DLG2: variants seen among roughly 807,000 people sequenced by gnomAD.
DLG2 encodes the protein disks large homolog 2.
Under a neutral mutation model 132.5 loss-of-function variants are expected in DLG2, and 45 were observed. That is an observed-to-expected ratio of 0.34 (90% CI 0.27 to 0.44). DLG2 has a LOEUF of 0.44. DLG2 is among the 20% of genes least tolerant of loss of function. The pLI is 1.00. For synonymous variants in DLG2, 424 were observed against 419.6 expected (o/e 1.01, Z -0.13); for missense variants, 1,045 against 1,196.9 (o/e 0.87, Z 1.87).
intron 3 of DLG2, among the ~76,000 whole-genome samples, chr11:85,370,554 G>C (rs866460039): frequency 1.1e-4 from 16 of 152,190 alleles, no homozygotes; most frequent in African/African-American, 3.9e-4. Context: ...GGCAACATTT[G>C]TAAGTGGTTA....
chr11:84,416,411 A>G (rs1436659012), intron 7 of DLG2, among the ~76,000 whole-genome samples: 1 of 152,178 alleles, frequency 6.6e-6, no homozygotes, highest in East Asian at 1.9e-4. Flanking sequence ...CTTAAGCAAA[A>G]TGAAACTGTC....
At chr11:83,653,014 T>C (rs2071089883) in intron 18 of DLG2, among the ~76,000 whole-genome samples, 1 of 152,218 alleles carries the variant, frequency 6.6e-6, no homozygotes, top group African/African-American at 2.4e-5. Context: ...TTGTGAAATA[T>C]GCCCAGTCAC....
intron 20 of DLG2, among the ~76,000 whole-genome samples, chr11:83,538,782 AT>A (rs2095970646): frequency 6.6e-6 from 1 of 152,326 alleles, no homozygotes; most frequent in African/African-American, 2.4e-5. Context: ...CATTGCCCTA[AT>A]CGCAGAGTAG....
intron 6 of DLG2, among the ~76,000 whole-genome samples, chr11:84,902,535 C>G (rs994499249): frequency 5.9e-5 from 9 of 152,142 alleles, no homozygotes; most frequent in African/African-American, 2.2e-4. Flanking sequence ...CATCTCTCCC[C>G]ACAATGGTGG....
chr11:85,419,991 A>T (rs2090162705), intron 3 of DLG2, among the ~76,000 whole-genome samples: 1 of 152,142 alleles, frequency 6.6e-6, no homozygotes, highest in Non-Finnish European at 1.5e-5. Context: ...AGGAGTTGTG[A>T]TCCTTTGGAG....
chr11:85,488,435 C>T (rs888185548), intron 3 of DLG2, among the ~76,000 whole-genome samples: 1 of 151,902 alleles, frequency 6.6e-6, no homozygotes, highest in Non-Finnish European at 1.5e-5. Context: ...GTGTCTTTTA[C>T]CTCCTGCCAT....
chr11:85,193,518 A>C (rs536203284), intron 4 of DLG2, among the ~76,000 whole-genome samples: 2 of 152,322 alleles, frequency 1.3e-5, no homozygotes, highest in South Asian at 2.1e-4. Context: ...GTAAATTTCC[A>C]ATTTCTATAT....
intron 3 of DLG2, among the ~76,000 whole-genome samples, chr11:85,533,280 T>A (rs2075342921): frequency 6.6e-6 from 1 of 152,016 alleles, no homozygotes; most frequent in Admixed American, 6.6e-5. Flanking sequence ...CACCTCAGCC[T>A]CCCAAAGTGC....
At chr11:85,528,322 T>G (rs2074943400) in intron 3 of DLG2, among the ~76,000 whole-genome samples, 1 of 152,192 alleles carries the variant, frequency 6.6e-6, no homozygotes, top group South Asian at 2.1e-4. Context: ...TTTTAGGATT[T>G]TAAATATAAG....
chr11:84,436,828 T>C (rs1406765058), intron 7 of DLG2, among the ~76,000 whole-genome samples: 1 of 152,172 alleles, frequency 6.6e-6, no homozygotes, highest in Non-Finnish European at 1.5e-5. Context: ...TGATTATAAA[T>C]ATAATTCTTG....
intron 11 of DLG2, among the ~76,000 whole-genome samples, chr11:83,994,124 T>C (rs1041269795): frequency 6.6e-6 from 1 of 152,178 alleles, no homozygotes; most frequent in Admixed American, 6.6e-5. Flanking sequence ...TATCTCATTT[T>C]TAGTGATACA....
intron 6 of DLG2, among the ~76,000 whole-genome samples, chr11:85,077,622 ACAT>A (rs201386173): frequency 0.02 from 2,964 of 147,512 alleles, 50 homozygotes; most frequent in Admixed American, 0.043. Flanking sequence ...AATACATTTA[ACAT>A]CATAATTGTC....
intron 6 of DLG2, among the ~76,000 whole-genome samples, chr11:84,920,406 C>T (rs1411937058): frequency 6.6e-6 from 1 of 152,142 alleles, no homozygotes; most frequent in African/African-American, 2.4e-5. Flanking sequence ...CACAGCAAAA[C>T]CTTTCTTGAT....
At chr11:83,926,109 G>GTTTTTTTTTTTTTTTTTTTTT (rs1565666073) in intron 15 of DLG2, among the ~76,000 whole-genome samples, 1 of 152,120 alleles carries the variant, frequency 6.6e-6, no homozygotes, top group African/African-American at 2.4e-5. Context: ...CAACTTCTCT[G>GTTTTTTTTTTTTTTTTTTTTT]TTTTCTTTTA....
intron 3 of DLG2, among the ~76,000 whole-genome samples, chr11:85,420,944 C>G (rs2090252822): frequency 6.6e-6 from 1 of 152,086 alleles, no homozygotes; most frequent in South Asian, 2.1e-4. Flanking sequence ...GAAGAGTGAA[C>G]AGTTGTGTCT....
At chr11:85,056,325 A>G (rs569178382) in intron 6 of DLG2, among the ~76,000 whole-genome samples, 2 of 152,242 alleles carry the variant, frequency 1.3e-5, no homozygotes, top group African/African-American at 4.8e-5. Context: ...ATATCTTTGA[A>G]AAAGAATCAA....
At chr11:84,937,754 T>C (rs979333847) in intron 6 of DLG2, among the ~76,000 whole-genome samples, 6 of 152,176 alleles carry the variant, frequency 3.9e-5, no homozygotes, top group South Asian at 2.1e-4. Flanking sequence ...GTAAAGGGAA[T>C]TGAAATTTGA....
chr11:84,268,207 T>C (rs77030644), intron 7 of DLG2, among the ~76,000 whole-genome samples: 5,652 of 152,300 alleles, frequency 0.037, 124 homozygotes, highest in South Asian at 0.08. Flanking sequence ...CTCCTTTTTC[T>C]AGCCTTCGCT....
chr11:84,662,978 C>T (rs980493656), intron 6 of DLG2, among the ~76,000 whole-genome samples: 6 of 151,842 alleles, frequency 4.0e-5, no homozygotes, highest in African/African-American at 9.7e-5. Flanking sequence ...AAAGCCCTAC[C>T]AGGTTACAGG....
Sources: allele counts gnomAD v4.1 joint callset (sites outside exome capture counted in the v4.1 genomes callset), GRCh38; gene constraint gnomAD v4.1.1; transcripts MANE v1.5; gene names NCBI Gene and HGNC (gene_info 2026-07-23, HGNC 2026-07-21).